CHST11: variants seen among roughly 807,000 people sequenced by gnomAD.
CHST11 encodes C4S-1.
Under a neutral mutation model 30.4 loss-of-function variants are expected in CHST11, and 9 were observed. The ratio of observed to expected loss-of-function variants is 0.30; its 90% CI spans 0.18 to 0.52. CHST11 has a LOEUF of 0.52. Ranked by LOEUF, CHST11 falls within the 20% of genes least tolerant of loss-of-function variation. The pLI is 0.97. For missense variants in CHST11, 348 were observed against 460.6 expected (o/e 0.76, Z 2.24); for synonymous variants, 152 against 187.8 (o/e 0.81, Z 1.56).
At chr12:104,693,390 T>G (rs2136108915) in intron 2 of CHST11, among the ~76,000 whole-genome samples, 1 of 152,354 alleles carries the variant, frequency 6.6e-6, no homozygotes, top group Admixed American at 6.5e-5. Flanking sequence ...GTAGCAGTAC[T>G]ATATAATTTA....
Position 104,729,835 on chromosome 12 carries a change from T to A in CHST11, c.205-27114T>A, listed in dbSNP as rs1245120451. On this transcript the variant is annotated intron_variant, in intron 2 of 2. Transcript: ENST00000303694. This position sits in a 1 kb window ranked among gnomAD's most constrained non-coding sequence, Gnocchi z 4.0. ...AAGAGGAGGAGCAGCACAGGCCATC[T>A]GGATGGGGGAGCCCCTGGTGAGCAA... Among the ~76,000 whole-genome samples the A allele has an allele frequency of 6.6e-6, 1 of 152,146 alleles. No individual in the cohort carries two copies. The highest frequency in any genetic ancestry group is 1.5e-5 in the Non-Finnish European group (1 of 68,014).
chr12:104,624,089 G>A (rs938596618), intron 2 of CHST11, among the ~76,000 whole-genome samples: 5 of 152,278 alleles, frequency 3.3e-5, no homozygotes, highest in South Asian at 2.1e-4. Flanking sequence ...TTGCTGAGCG[G>A]AATCTCAGAG....
intron 1 of CHST11, among the ~76,000 whole-genome samples, chr12:104,546,977 G>T (rs1030772718): frequency 1.2e-4 from 19 of 152,286 alleles, no homozygotes; most frequent in African/African-American, 4.1e-4. Context: ...CAGGATTTCT[G>T]ATTCTGACAG....
chr12:104,612,454 C>T (rs1028219720), intron 2 of CHST11, among the ~76,000 whole-genome samples: 6 of 152,312 alleles, frequency 3.9e-5, no homozygotes, highest in African/African-American at 1.2e-4. Context: ...TATAAGGACA[C>T]CTGTCATATT....
chr12:104,627,618 T>G (rs1378116914), intron 2 of CHST11, among the ~76,000 whole-genome samples: 1 of 152,222 alleles, frequency 6.6e-6, no homozygotes, highest in African/African-American at 2.4e-5. Context: ...CCTTGGGACA[T>G]GAATTCTCTG....
At chr12:104,521,260 C>G (rs1015703075) in intron 1 of CHST11, among the ~76,000 whole-genome samples, 8 of 152,192 alleles carry the variant, frequency 5.3e-5, no homozygotes, top group African/African-American at 1.9e-4. Flanking sequence ...CTATTTTCTC[C>G]TTATCTGCAT....
At chr12:104,498,305 T>A (rs2037820196) in intron 1 of CHST11, among the ~76,000 whole-genome samples, 1 of 152,194 alleles carries the variant, frequency 6.6e-6, no homozygotes, top group Non-Finnish European at 1.5e-5. Flanking sequence ...TTGCCATCTC[T>A]GTCACTCTTC....
intron 2 of CHST11, among the ~76,000 whole-genome samples, chr12:104,741,567 A>G (rs2040347374): frequency 1.3e-5 from 2 of 152,234 alleles, no homozygotes; most frequent in Non-Finnish European, 2.9e-5. Flanking sequence ...ACATATTAAT[A>G]GCTAATCTTG....
Position 104,670,852 on chromosome 12 carries a change from C to CA in CHST11, c.204+68861_204+68862insA, listed in dbSNP as rs200078128. 2.3e-3 allele frequency among the ~76,000 whole-genome samples: 315 copies of CA among 136,386 alleles called. 6 individuals carry two copies. In the East Asian group the frequency reaches 0.078, roughly 34 times the overall value. 89.5% of individuals were successfully genotyped at this position (136,386 alleles called of 152,430 possible). ...ATTCTCACACACACTCCCACACATA[C>CA]CCCCCACACCTATACATATACACCA... is the stretch of plus-strand genomic sequence containing the variant. On this transcript the variant is annotated intron_variant, in intron 2 of 2. Transcript: ENST00000303694.
intron 1 of CHST11, among the ~76,000 whole-genome samples, chr12:104,520,077 G>C (rs1162477751): frequency 6.6e-6 from 1 of 152,192 alleles, no homozygotes; most frequent in Non-Finnish European, 1.5e-5. Context: ...TTCATTCCTA[G>C]TTGCTGGCGT....
At chr12:104,687,848 T>C (rs1477654848) in intron 2 of CHST11, among the ~76,000 whole-genome samples, 1 of 151,990 alleles carries the variant, frequency 6.6e-6, no homozygotes, top group Non-Finnish European at 1.5e-5. Context: ...CCTGGAGAAA[T>C]ACTCCAGATG....
intron 1 of CHST11, among the ~76,000 whole-genome samples, chr12:104,501,554 C>T (rs963673523): frequency 6.6e-6 from 1 of 152,328 alleles, no homozygotes; most frequent in African/African-American, 2.4e-5. Flanking sequence ...GCTTAGCTCA[C>T]AGATGCTCAT....
intron 1 of CHST11, among the ~76,000 whole-genome samples, chr12:104,532,325 C>G (rs917385359): frequency 2.6e-5 from 4 of 152,104 alleles, no homozygotes; most frequent in Non-Finnish European, 5.9e-5. Flanking sequence ...TTCCCACCCC[C>G]ACCCCGTTAT....
At chr12:104,516,183 C>T (rs537303396) in intron 1 of CHST11, among the ~76,000 whole-genome samples, 14 of 152,238 alleles carry the variant, frequency 9.2e-5, no homozygotes, top group African/African-American at 3.1e-4. Flanking sequence ...CTGGCCTTTA[C>T]TCACTAGATA....
intron 2 of CHST11, among the ~76,000 whole-genome samples, chr12:104,620,023 C>G (rs546918960): frequency 1.3e-5 from 2 of 152,116 alleles, no homozygotes; most frequent in Non-Finnish European, 2.9e-5. Flanking sequence ...TCCCGGTGAG[C>G]CTTCATCCTA....
intron 1 of CHST11, among the ~76,000 whole-genome samples, chr12:104,573,327 A>G (rs2038648307): frequency 6.6e-6 from 1 of 152,142 alleles, no homozygotes; most frequent in Admixed American, 6.6e-5. Flanking sequence ...TCAAGCTACC[A>G]ATGACTTTCT....
chr12:104,655,207 G>C (rs994926691), intron 2 of CHST11, among the ~76,000 whole-genome samples: 3 of 152,264 alleles, frequency 2.0e-5, no homozygotes, highest in Non-Finnish European at 4.4e-5. Context: ...TTGGTGGAAG[G>C]GTGAGCGACT....
intron 2 of CHST11, among the ~76,000 whole-genome samples, chr12:104,647,847 G>C (rs2039449856): frequency 6.6e-6 from 1 of 152,192 alleles, no homozygotes. Flanking sequence ...GACTGGATTG[G>C]AGCTTTCAAG....
At chr12:104,658,364 C>G (rs1372447843) in intron 2 of CHST11, among the ~76,000 whole-genome samples, 1 of 152,216 alleles carries the variant, frequency 6.6e-6, no homozygotes, top group Non-Finnish European at 1.5e-5. Context: ...ACACAGCAGT[C>G]TCCTTGTGTC....
Sources: gnomAD v4.1 joint callset for allele counts (sites outside exome capture counted in the v4.1 genomes callset) on GRCh38, gnomAD v4.1.1 for gene constraint, Gnocchi (gnomAD v3.1) non-coding constraint, MANE v1.5 for transcripts, NCBI Gene and HGNC (gene_info 2026-07-23, HGNC 2026-07-21) for gene names.